The following MALRD1 variants were observed in gnomAD, a reference collection of about 807,000 sequenced individuals.
The protein encoded by MALRD1 is MAM and LDL-receptor class A domain-containing protein 1.
Under a neutral mutation model 242.1 loss-of-function variants are expected in MALRD1, and 247 were observed. The ratio of observed to expected loss-of-function variants is 1.02; its 90% CI spans 0.92 to 1.13. The LOEUF (loss-of-function observed/expected upper bound fraction) is 1.13, where lower values mean the gene tolerates loss of function less well. MALRD1 is among the 50% of genes most tolerant of loss of function. The pLI is 0.00. For missense variants in MALRD1, 2,989 were observed against 2,533.1 expected (o/e 1.18, Z -3.86); for synonymous variants, 995 against 866.6 (o/e 1.15, Z -2.60).
intron 38 of MALRD1, among the ~76,000 whole-genome samples, chr10:19,704,393 T>C (rs1564555277): frequency 6.6e-6 from 1 of 152,170 alleles, no homozygotes; most frequent in African/African-American, 2.4e-5. Context: ...TTCCTTTGTA[T>C]TATTACATGG....
At position 19,160,162 on chromosome 10, in the gene MALRD1, C is replaced by T. The variant is rs115701742; in HGVS notation, c.1656+4990C>T. ...ACTTGTTTTGAATGAAGCAGGCATGCGTCAAGAAAATTTCCTTGAATTTTG... is the reference window on the plus strand; with the variant it reads ...ACTTGTTTTGAATGAAGCAGGCATGTGTCAAGAAAATTTCCTTGAATTTTG... On this transcript the variant is annotated intron_variant, in intron 12 of 39. Transcript: ENST00000454679. Among the ~76,000 whole-genome samples, 869 of 152,230 alleles carry T rather than the reference C, an allele frequency of 5.7e-3. 8 individuals carry two copies. Among genetic ancestry groups the T allele is most frequent in the African/African-American group, 0.019 (775 of 41,538 alleles).
At chr10:19,205,366 T>C (rs1836739652) in intron 17 of MALRD1, 101 bp downstream of exon 17, 2 of 1,345,374 alleles carry the variant, frequency 1.5e-6, no homozygotes, top group East Asian at 5.1e-5. Flanking sequence ...ACAGTAAGCA[T>C]AGCTCCAAAG....
chr10:19,570,319 G>A (rs1836464976), intron 33 of MALRD1, among the ~76,000 whole-genome samples: 2 of 151,998 alleles, frequency 1.3e-5, no homozygotes, highest in Non-Finnish European at 2.9e-5. Flanking sequence ...CCACAGCAAT[G>A]TCTTAGGGAT....
At chr10:19,277,355 A>G (rs1440688436) in intron 19 of MALRD1, among the ~76,000 whole-genome samples, 1 of 152,188 alleles carries the variant, frequency 6.6e-6, no homozygotes, top group East Asian at 1.9e-4. Context: ...GGATCAGAAT[A>G]CTATTTCCTT....
In MALRD1 at chr10:19,158,174, A is replaced by T. The variant is rs537154990; in HGVS notation, c.1656+3002A>T. Among the ~76,000 whole-genome samples, 55 of 152,332 alleles carry T rather than the reference A, an allele frequency of 3.6e-4. 1 individual carries two copies. The highest frequency in any genetic ancestry group is 1.3e-3 in the African/African-American group (53 of 41,586). ...AAGTATGAAGGGGATTAATGTGGGTACTAATATTTTCTGAGTTTTCATATT... is the reference window on the plus strand; with the variant it reads ...AAGTATGAAGGGGATTAATGTGGGTTCTAATATTTTCTGAGTTTTCATATT... On this transcript the variant is annotated intron_variant, in intron 12 of 39. Coordinates refer to ENST00000454679, the MANE Select transcript of MALRD1 (RefSeq NM_001142308.3).
At chr10:19,410,480 A>C (rs1833231576) in intron 28 of MALRD1, among the ~76,000 whole-genome samples, 1 of 152,164 alleles carries the variant, frequency 6.6e-6, no homozygotes, top group Non-Finnish European at 1.5e-5. Flanking sequence ...CAAACCAAAA[A>C]ACTTGGATAG....
chr10:19,109,371 T>A (rs1392769621), intron 5 of MALRD1, among the ~76,000 whole-genome samples: 3 of 152,190 alleles, frequency 2.0e-5, no homozygotes, highest in East Asian at 3.9e-4. Flanking sequence ...TCTTTGCTGA[T>A]GTTCATGGTG....
At chr10:19,084,133 A>G (rs1019004120) in intron 2 of MALRD1, among the ~76,000 whole-genome samples, 1 of 152,080 alleles carries the variant, frequency 6.6e-6, no homozygotes, top group South Asian at 2.1e-4. Context: ...GTATTCTTTA[A>G]GTGATACCAT....
intron 5 of MALRD1, among the ~76,000 whole-genome samples, chr10:19,110,508 A>G (rs1156332028): frequency 6.6e-6 from 1 of 152,208 alleles, no homozygotes; most frequent in Non-Finnish European, 1.5e-5. Flanking sequence ...TAAATAATTA[A>G]AGTGTCGTCC....
At chr10:19,173,085 A>G (rs945065574) in intron 13 of MALRD1, among the ~76,000 whole-genome samples, 8 of 152,032 alleles carry the variant, frequency 5.3e-5, no homozygotes, top group African/African-American at 1.9e-4. Flanking sequence ...CTTATCACCC[A>G]CCATAGATTT....
At chr10:19,541,547 A>AT (rs1328071201) in intron 32 of MALRD1, among the ~76,000 whole-genome samples, 2 of 151,968 alleles carry the variant, frequency 1.3e-5, no homozygotes, top group Non-Finnish European at 2.9e-5. Context: ...GAAGCAAAGT[A>AT]TTTTTTTTCT....
In MALRD1 at chr10:19,433,463, C is replaced by G. The variant is rs527262958; in HGVS notation, c.4846-16844C>G. On this transcript the variant is annotated intron_variant, in intron 28 of 39. Transcript: ENST00000454679. ...GAAGTTGGGCAGAGGGCCTCTGAGC[C>G]CTTCTAACATGACAGCCTCTTAGTG... Among the ~76,000 whole-genome samples, 51 of 152,154 alleles carry G rather than the reference C, an allele frequency of 3.4e-4. 1 individual carries two copies. The highest frequency in any genetic ancestry group is 6.0e-4 in the Non-Finnish European group (41 of 68,008).
intron 36 of MALRD1, among the ~76,000 whole-genome samples, chr10:19,677,009 T>G (rs948285044): frequency 6.6e-6 from 1 of 152,250 alleles, no homozygotes; most frequent in Admixed American, 6.5e-5. Context: ...TTCTGTTTTG[T>G]GGCTGCATAG....
At chr10:19,652,114 A>C (rs777016341) in intron 36 of MALRD1, among the ~76,000 whole-genome samples, 2 of 152,170 alleles carry the variant, frequency 1.3e-5, no homozygotes, top group Non-Finnish European at 2.9e-5. Flanking sequence ...ACTGGATCCA[A>C]ATTCAAAGTC....
chr10:19,664,618 A>T lies in MALRD1; in HGVS notation c.6138-27664A>T, dbSNP rs558443826. Among the ~76,000 whole-genome samples, 26 of 152,168 alleles carry T rather than the reference A, an allele frequency of 1.7e-4. No individual in the cohort carries two copies. The South Asian group carries it at 5.0e-3, about 29-fold the overall frequency. ...AATAAATGGAGCCCCACGTCTAAGG[A>T]AGGAAAAAGATGTAACTCCTGTATT... On this transcript the variant is annotated intron_variant, in intron 36 of 39. Coordinates refer to ENST00000454679, the MANE Select transcript of MALRD1 (RefSeq NM_001142308.3).
Position 19,283,092 on chromosome 10 carries a change from A to G in MALRD1, c.3330A>G (p.Gln1110=). The change falls in exon 21 of 40, where the codon CAA becomes CAG. Residue 1110 remains glutamine, a synonymous_variant. Transcript: ENST00000454679. The stretch of plus-strand genomic sequence containing the variant: ...AACCAATCCCAGTACATTTGCTTCA[A>G]GATTCAAACACATTCAGGTGGGGGC... ...WYQPIPVHLL[Q]DSNTFRWGLG... is the part of the protein sequence containing the mutation. The G allele has an allele frequency of 6.5e-7, 1 of 1,550,162 alleles. No individual in the cohort carries two copies. Among genetic ancestry groups the G allele is most frequent in the Non-Finnish European group, 8.7e-7 (1 of 1,146,666 alleles).
intron 38 of MALRD1, among the ~76,000 whole-genome samples, chr10:19,693,973 G>A (rs528159948): frequency 2.0e-5 from 3 of 152,156 alleles, no homozygotes; most frequent in African/African-American, 7.2e-5. Context: ...CAAGCAATGG[G>A]GAAAGGATTC....
At chr10:19,297,403 G>C (rs974926286) in intron 21 of MALRD1, among the ~76,000 whole-genome samples, 3 of 151,514 alleles carry the variant, frequency 2.0e-5, no homozygotes, top group Non-Finnish European at 4.4e-5. Flanking sequence ...GTTTTCTTTA[G>C]GTAACTAAAA....
At chr10:19,049,255 A>G in intron 1 of MALRD1, 118 bp downstream of exon 1, 1 of 672,408 alleles carries the variant, frequency 1.5e-6, no homozygotes, top group Non-Finnish European at 2.1e-6. Context: ...TATCTTGTAT[A>G]CCTTTAGTGT....
Sources: allele counts gnomAD v4.1 joint callset (sites outside exome capture counted in the v4.1 genomes callset), GRCh38; gene constraint gnomAD v4.1.1; transcripts MANE v1.5; gene names NCBI Gene and HGNC (gene_info 2026-07-23, HGNC 2026-07-21).